XKR9: variants seen among roughly 807,000 people sequenced by gnomAD.
The protein encoded by XKR9 is XK related 9.
XKR9 carries 32 observed loss-of-function variants against 32.0 expected under a neutral mutation model. That is an observed-to-expected ratio of 1.00 (90% confidence interval 0.76 to 1.34). The LOEUF is 1.34. XKR9 is among the 40% of genes most tolerant of loss of function. The pLI is 0.00. For synonymous variants in XKR9, 168 were observed against 143.4 expected (o/e 1.17, Z -1.22); for missense variants, 546 against 429.7 (o/e 1.27, Z -2.39).
intron 2 of XKR9, among the ~76,000 whole-genome samples, chr8:70,746,680 T>A (rs1807063746): frequency 1.3e-5 from 2 of 152,062 alleles, no homozygotes. Flanking sequence ...TTAAAAATTC[T>A]GTCTTGATAG....
At chr8:70,977,082 T>C in the XKR9 span, among the ~76,000 whole-genome samples, 1 of 152,216 alleles carries the variant, frequency 6.6e-6, no homozygotes, top group Non-Finnish European at 1.5e-5. Flanking sequence ...CATTATTTTT[T>C]ATTACATCGA....
intron 2 of XKR9, among the ~76,000 whole-genome samples, chr8:70,788,888 G>A (rs948214044): frequency 2.0e-5 from 3 of 152,046 alleles, no homozygotes; most frequent in Admixed American, 6.6e-5. Context: ...ATAAATGTGG[G>A]TCATATGTGA....
At chr8:70,705,378 TA>T (rs1345377081) in intron 3 of XKR9, among the ~76,000 whole-genome samples, 2 of 151,928 alleles carry the variant, frequency 1.3e-5, no homozygotes, top group African/African-American at 4.8e-5. Context: ...CGAAGAAAAA[TA>T]ATATAGGGTA....
chr8:70,840,370 C>A, the XKR9 span, among the ~76,000 whole-genome samples: 1 of 152,014 alleles, frequency 6.6e-6, no homozygotes, highest in East Asian at 1.9e-4. Flanking sequence ...ACTTCGCTGA[C>A]CTTATATTTT....
the XKR9 span, among the ~76,000 whole-genome samples, chr8:70,871,013 C>G: frequency 1.3e-5 from 2 of 152,148 alleles, no homozygotes; most frequent in Non-Finnish European, 2.9e-5. Context: ...TTGTTATATT[C>G]TCCAGAATTG....
rs188359417 is a variant in XKR9 at position 70,731,279 on chromosome 8, G to A, written c.494-2517G>A. The stretch of plus-strand genomic sequence containing the variant: ...TTACATACACACACAGAGAAAGAGA[G>A]AGAGAGAAAGAGACCAGAAACTTGG... On this transcript the variant is annotated intron_variant, in intron 4 of 4. Transcript: ENST00000408926. 1.7e-3 allele frequency among the ~76,000 whole-genome samples: 254 copies of A among 152,096 alleles called. 1 individual carries two copies. Among genetic ancestry groups the A allele is most frequent in the African/African-American group, 5.9e-3 (245 of 41,504 alleles).
At chr8:70,808,705 C>T in the XKR9 span, among the ~76,000 whole-genome samples, 8 of 152,214 alleles carry the variant, frequency 5.3e-5, no homozygotes, top group African/African-American at 9.6e-5. Flanking sequence ...ATTGCTAGCA[C>T]AGCAGTCTGA....
chr8:70,892,870 GCCCATATCTTT>G, the XKR9 span, among the ~76,000 whole-genome samples: 1 of 152,084 alleles, frequency 6.6e-6, no homozygotes, highest in South Asian at 2.1e-4. Context: ...GGATCTGGAT[GCCCATATCTTT>G]CCCGAGACTT....
the XKR9 span, among the ~76,000 whole-genome samples, chr8:70,984,264 CT>C: frequency 4.5e-4 from 68 of 152,314 alleles, no homozygotes; most frequent in African/African-American, 1.6e-3. Context: ...GGCAATTCTG[CT>C]GTCTGCAGGT....
the XKR9 span, among the ~76,000 whole-genome samples, chr8:71,035,979 G>A: frequency 0.012 from 1,882 of 152,168 alleles, 38 homozygotes; most frequent in African/African-American, 0.042. Context: ...CCTCCCTCCC[G>A]GGGTATTACC....
At chr8:70,813,337 C>T in the XKR9 span, among the ~76,000 whole-genome samples, 15 of 151,988 alleles carry the variant, frequency 9.9e-5, no homozygotes, top group Admixed American at 3.9e-4. Context: ...AACCATAAAC[C>T]CTAGAAGAAA....
At chr8:70,973,173 A>G in the XKR9 span, among the ~76,000 whole-genome samples, 2 of 152,002 alleles carry the variant, frequency 1.3e-5, no homozygotes, top group Non-Finnish European at 2.9e-5. Context: ...GAGATTCTAT[A>G]TCTTCTGGCT....
At chr8:71,001,392 G>T in the XKR9 span, among the ~76,000 whole-genome samples, 1 of 152,092 alleles carries the variant, frequency 6.6e-6, no homozygotes, top group African/African-American at 2.4e-5. Flanking sequence ...CTCCGGAATA[G>T]CTGGGACTAC....
intron 2 of XKR9, among the ~76,000 whole-genome samples, chr8:70,757,239 A>C (rs944108018): frequency 6.6e-6 from 1 of 151,774 alleles, no homozygotes; most frequent in African/African-American, 2.4e-5. Flanking sequence ...TACTCCCTTT[A>C]TGTGCATGTT....
the XKR9 span, among the ~76,000 whole-genome samples, chr8:70,821,513 T>G: frequency 6.6e-6 from 1 of 152,232 alleles, no homozygotes; most frequent in African/African-American, 2.4e-5. Flanking sequence ...CACATTTCTC[T>G]TCTGCACTAC....
At chr8:70,751,714 G>C (rs145213539) in intron 2 of XKR9, among the ~76,000 whole-genome samples, 62 of 152,194 alleles carry the variant, frequency 4.1e-4, no homozygotes, top group African/African-American at 1.5e-3. Context: ...AAGTTCTCTG[G>C]ACTTTGGACT....
chr8:70,733,913 CA>C lies in XKR9; in HGVS notation c.612del (p.Tyr205IlefsTer14), dbSNP rs1563457612. The C allele has an allele frequency of 6.2e-7, 1 of 1,612,672 alleles. No homozygotes were observed. The highest frequency in any genetic ancestry group is 1.3e-5 in the African/African-American group (1 of 74,868). The stretch of plus-strand genomic sequence containing the variant: ...CTTAATGGATTATGTCCCAAAATCA[CA>C]TATCTCTTTTACAAGTTGTTTACAT... ...KLLNGLCPKI[T>X]YLFYKLFTLL... is the part of the protein sequence containing the mutation. On this transcript the variant is annotated frameshift_variant, in exon 5 of 5. Coordinates refer to ENST00000408926, the MANE Select transcript of XKR9 (RefSeq NM_001011720.2). LOFTEE classifies it high-confidence loss of function.
chr8:70,711,170 GTTGGTGGGAATGTAAAT>G (rs1805907900), intron 4 of XKR9, among the ~76,000 whole-genome samples: 1 of 152,184 alleles, frequency 6.6e-6, no homozygotes, highest in Admixed American at 6.5e-5. Context: ...TATACAAACT[GTTGGTGGGAATGTAAAT>G]TAGTTCAGCC....
intron 2 of XKR9, among the ~76,000 whole-genome samples, chr8:70,757,060 G>C (rs1025606219): frequency 6.6e-6 from 1 of 152,024 alleles, no homozygotes; most frequent in Non-Finnish European, 1.5e-5. Context: ...AAGGGTAATG[G>C]ATTTTTTTTC....
Sources: allele counts gnomAD v4.1 joint callset (sites outside exome capture counted in the v4.1 genomes callset), GRCh38; gene constraint gnomAD v4.1.1; transcripts MANE v1.5; gene names NCBI Gene and HGNC (gene_info 2026-07-23, HGNC 2026-07-21).